LINGO2: variants seen among roughly 807,000 people sequenced by gnomAD.
LINGO2 encodes the protein leucine rich repeat and Ig domain containing 2.
In LINGO2, 14 loss-of-function variants were observed where a neutral mutation model predicts 30.6. That is an observed-to-expected ratio of 0.46 (90% CI 0.30 to 0.72). The LOEUF is 0.72. Among genes scored for constraint, LINGO2 ranks in the 30% least tolerant of loss-of-function variants. The pLI, the probability that LINGO2 is intolerant of heterozygous loss-of-function variation, is 0.07. For missense variants in LINGO2, 729 were observed against 751.7 expected (o/e 0.97, Z 0.35); for synonymous variants, 317 against 288.5 (o/e 1.10, Z -1.00).
chr9:28,647,472 G>C (rs930892900), intron 1 of LINGO2, among the ~76,000 whole-genome samples: 1 of 151,974 alleles, frequency 6.6e-6, no homozygotes, highest in Admixed American at 6.6e-5. Context: ...AATGTTTTCT[G>C]TCTCTAGACA....
chr9:28,237,619 G>A (rs988036262), intron 4 of LINGO2, among the ~76,000 whole-genome samples: 10 of 152,116 alleles, frequency 6.6e-5, no homozygotes, highest in African/African-American at 2.4e-4. Flanking sequence ...GAAGGCCGAG[G>A]CAGGTGGATC....
At chr9:28,295,414 C>T (rs755793946) in intron 3 of LINGO2, 48 bp from the exon 6 acceptor site, 3 of 152,474 alleles carry the variant, frequency 2.0e-5, no homozygotes, top group Admixed American at 6.5e-5. Context: ...AATAGTGAAC[C>T]GTGTCCTAGG....
At chr9:28,754,706 C>G in the LINGO2 span, among the ~76,000 whole-genome samples, 1 of 151,684 alleles carries the variant, frequency 6.6e-6, no homozygotes, top group African/African-American at 2.4e-5. Flanking sequence ...TCTCAGCTCC[C>G]TGCAACCTCC....
chr9:27,999,583 T>C (rs1178020225), intron 5 of LINGO2, among the ~76,000 whole-genome samples: 1 of 152,136 alleles, frequency 6.6e-6, no homozygotes, highest in Non-Finnish European at 1.5e-5. Context: ...ATGTTTATAG[T>C]GGGTCACTTC....
chr9:27,957,492 A>C (rs1005615833), intron 5 of LINGO2, among the ~76,000 whole-genome samples: 42 of 152,058 alleles, frequency 2.8e-4, no homozygotes, highest in Non-Finnish European at 1.3e-4. Flanking sequence ...CAGGGTTTCA[A>C]CATGTTGGCC....
chr9:28,396,021 A>G (rs966028135), intron 2 of LINGO2, among the ~76,000 whole-genome samples: 26 of 152,298 alleles, frequency 1.7e-4, no homozygotes, highest in African/African-American at 5.8e-4. Flanking sequence ...GCAGAAGGAA[A>G]CTAGGGACGC....
chr9:28,940,595 T>C, the LINGO2 span, among the ~76,000 whole-genome samples: 9 of 152,308 alleles, frequency 5.9e-5, no homozygotes, highest in African/African-American at 2.2e-4. Context: ...CTTTGGTTCA[T>C]GTCAAGATAA....
intron 1 of LINGO2, among the ~76,000 whole-genome samples, chr9:28,644,583 G>GA (rs34845629): frequency 5.3e-4 from 74 of 138,822 alleles, no homozygotes; most frequent in South Asian, 3.4e-3. Flanking sequence ...GGTGCAAACA[G>GA]AAAAAAAAAA....
the LINGO2 span, among the ~76,000 whole-genome samples, chr9:28,699,344 T>C: frequency 6.6e-6 from 1 of 152,000 alleles, no homozygotes; most frequent in Non-Finnish European, 1.5e-5. Flanking sequence ...GGAACATAAA[T>C]TGTGAAGATT....
chr9:28,199,619 T>A (rs1357723371), intron 4 of LINGO2, among the ~76,000 whole-genome samples: 1 of 152,174 alleles, frequency 6.6e-6, no homozygotes, highest in African/African-American at 2.4e-5. Context: ...ATTACAGGCG[T>A]GAGCCACTGC....
chr9:29,105,871 T>C, the LINGO2 span, among the ~76,000 whole-genome samples: 1 of 152,062 alleles, frequency 6.6e-6, no homozygotes, highest in Admixed American at 6.6e-5. Context: ...TAACAGAGAT[T>C]TCAGTCCTAC....
intron 4 of LINGO2, among the ~76,000 whole-genome samples, chr9:28,291,695 A>C (rs551660418): frequency 6.6e-6 from 1 of 152,360 alleles, no homozygotes; most frequent in African/African-American, 2.4e-5. Context: ...TTTAATGAAC[A>C]GAGGCTCGAT....
chr9:29,074,855 T>C, the LINGO2 span, among the ~76,000 whole-genome samples: 1 of 151,658 alleles, frequency 6.6e-6, no homozygotes, highest in Non-Finnish European at 1.5e-5. Flanking sequence ...TTTTTGTATT[T>C]TTAGTAGAAA....
At chr9:28,199,343 T>TTTCTTCCTCCTCCTCCTC (rs1564036486) in intron 4 of LINGO2, among the ~76,000 whole-genome samples, 6 of 128,788 alleles carry the variant, frequency 4.7e-5, no homozygotes, top group African/African-American at 1.3e-4. Context: ...TTCTTCTTCT[T>TTTCTTCCTCCTCCTCCTC]CTTTTTTTTT....
At chr9:27,967,525 G>A (rs1587564052) in intron 5 of LINGO2, among the ~76,000 whole-genome samples, 1 of 151,934 alleles carries the variant, frequency 6.6e-6, no homozygotes, top group Admixed American at 6.6e-5. Context: ...GCCAGTATCT[G>A]CCAAAATAAA....
intron 4 of LINGO2, among the ~76,000 whole-genome samples, chr9:28,171,952 A>G (rs1828598038): frequency 7.9e-6 from 1 of 127,388 alleles, no homozygotes; most frequent in South Asian, 2.7e-4. Flanking sequence ...CAGGAGGCAG[A>G]GCTTGCAGTG....
At chr9:28,103,847 T>C (rs1282086074) in intron 4 of LINGO2, among the ~76,000 whole-genome samples, 1 of 152,078 alleles carries the variant, frequency 6.6e-6, no homozygotes, top group Non-Finnish European at 1.5e-5. Context: ...ACCCAGAGAG[T>C]TCATTTAAAC....
intron 4 of LINGO2, among the ~76,000 whole-genome samples, chr9:28,164,164 T>C (rs1228683998): frequency 2.0e-5 from 3 of 152,178 alleles, no homozygotes; most frequent in Non-Finnish European, 2.9e-5. Flanking sequence ...TACCTATCTA[T>C]GTTGTTCATT....
chr9:29,195,892 C>T, the LINGO2 span, among the ~76,000 whole-genome samples: 1 of 152,018 alleles, frequency 6.6e-6, no homozygotes. Flanking sequence ...AAATTATGTA[C>T]TAATGCCCTA....
Sources: allele counts gnomAD v4.1 joint callset (sites outside exome capture counted in the v4.1 genomes callset), GRCh38; gene constraint gnomAD v4.1.1; transcripts MANE v1.5; gene names NCBI Gene and HGNC (gene_info 2026-07-23, HGNC 2026-07-21).